The following APOOL variants were observed in gnomAD, a reference collection of about 807,000 sequenced individuals.
APOOL encodes the protein MICOS complex subunit MIC27.
Under a neutral mutation model 23.1 loss-of-function variants are expected in APOOL, and 12 were observed. That is an observed-to-expected ratio of 0.52 (90% confidence interval 0.33 to 0.84). The LOEUF is 0.84. APOOL is among the 40% of genes least tolerant of loss of function. The probability of loss-of-function intolerance (pLI) is 0.02; values close to 1 mark genes in which losing one functional copy is unlikely to be tolerated. For synonymous variants in APOOL, 77 were observed against 69.9 expected (o/e 1.10, Z -0.51); for missense variants, 212 against 199.6 (o/e 1.06, Z -0.37).
At chrX:85,044,260 G>C (rs954009618) in intron 1 of APOOL, among the ~76,000 whole-genome samples, 26 of 107,257 alleles carry the variant, frequency 2.4e-4, no homozygotes, top group African/African-American at 8.0e-4. Flanking sequence ...ATTTATGTGT[G>C]TGTGTGTGTG....
rs57105866 is a variant in APOOL at position 85,008,535 on chromosome X, TTGTGTGTG to T, written c.15+4640_15+4647del. ...TTTTTTATGGTTGAATGATAACCCGTTGTGTGTGTGTGTGTGTGTGTGTGTGTGTGTGT... is the reference window on the plus strand; with the variant it reads ...TTTTTTATGGTTGAATGATAACCCGTTGTGTGTGTGTGTGTGTGTGTGTGT... On this transcript the variant is annotated intron_variant, in intron 1 of 8. Coordinates refer to ENST00000373173, the MANE Select transcript of APOOL (RefSeq NM_198450.6). Among the ~76,000 whole-genome samples the T allele has an allele frequency of 1.2e-4, 10 of 86,136 alleles. 1 individual carries two copies. Among genetic ancestry groups the T allele is most frequent in the East Asian group, 3.8e-4 (1 of 2,647 alleles). The allele number at this position is 86,136 out of a possible 115,157, so 74.8% of individuals were successfully genotyped here. A position where few individuals can be genotyped will look rare whatever the true frequency, so the allele number is the denominator to read the frequency against.
At chrX:85,063,433 T>C (rs1446588139) in intron 5 of APOOL, among the ~76,000 whole-genome samples, 1 of 111,662 alleles carries the variant, frequency 9.0e-6, no homozygotes, top group Non-Finnish European at 1.9e-5. Flanking sequence ...GGCATCCTTG[T>C]CTTGTGCCAG....
At chrX:85,043,603 A>G (rs938666803) in intron 1 of APOOL, among the ~76,000 whole-genome samples, 2 of 111,694 alleles carry the variant, frequency 1.8e-5, no homozygotes, top group Non-Finnish European at 3.8e-5. Context: ...GAAATTTTCA[A>G]TGTGCTGTAC....
chrX:85,038,524 GTTTTTTTT>G (rs56248244), intron 1 of APOOL, among the ~76,000 whole-genome samples: 8 of 43,445 alleles, frequency 1.8e-4, no homozygotes, highest in African/African-American at 8.6e-4. Flanking sequence ...TCTGGTACAA[GTTTTTTTT>G]TTTTTTTTTT....
intron 1 of APOOL, among the ~76,000 whole-genome samples, chrX:85,026,888 T>C (rs1921864312): frequency 8.9e-6 from 1 of 111,927 alleles, no homozygotes; most frequent in Admixed American, 9.6e-5. Flanking sequence ...TCCTATTTTC[T>C]GAGCCCTCCA....
At chrX:85,035,670 C>T (rs1463415528) in intron 1 of APOOL, among the ~76,000 whole-genome samples, 1 of 111,350 alleles carries the variant, frequency 9.0e-6, no homozygotes, top group Non-Finnish European at 1.9e-5. Flanking sequence ...CTGCATAGGG[C>T]CCACCAGTTA....
chrX:85,064,252 A>G (rs1039925490), intron 5 of APOOL, among the ~76,000 whole-genome samples: 2 of 107,081 alleles, frequency 1.9e-5, no homozygotes, highest in Non-Finnish European at 3.9e-5. Context: ...GTTTATTTGA[A>G]TCTTCTCTCT....
intron 1 of APOOL, among the ~76,000 whole-genome samples, chrX:85,040,000 T>C (rs1307572051): frequency 8.9e-6 from 1 of 111,910 alleles, no homozygotes; most frequent in Non-Finnish European, 1.9e-5. Flanking sequence ...GTATCAGTAG[T>C]CTATGTACTT....
chrX:85,054,488 TATC>T (rs1323503958), intron 4 of APOOL, 90 bp downstream of exon 4: 2 of 772,003 alleles, frequency 2.6e-6, no homozygotes, highest in Non-Finnish European at 3.7e-6. Flanking sequence ...TGTTACCCAT[TATC>T]ATGCATTTAC....
chrX:85,017,054 A>G (rs1425666078), intron 1 of APOOL, among the ~76,000 whole-genome samples: 1 of 112,193 alleles, frequency 8.9e-6, no homozygotes, highest in East Asian at 2.8e-4. Flanking sequence ...GGGCAGGGCC[A>G]TAAAGCTCCC....
chrX:85,015,131 A>G (rs1321759691), intron 1 of APOOL, among the ~76,000 whole-genome samples: 1 of 110,895 alleles, frequency 9.0e-6, no homozygotes, highest in African/African-American at 3.3e-5. Flanking sequence ...TTTCCACTGC[A>G]TTTTATATTT....
At chrX:85,050,266 T>A (rs990747586) in intron 2 of APOOL, among the ~76,000 whole-genome samples, 47 of 111,558 alleles carry the variant, frequency 4.2e-4, no homozygotes, top group Admixed American at 1.8e-3. Context: ...TAACTTTAGA[T>A]AAAAAAACTG....
Position 85,054,326 on chromosome X carries a change from C to T in APOOL, c.241-18C>T. On this transcript the variant is annotated intron_variant, in intron 3 of 8. Transcript: ENST00000373173. ...CTTCAAAAATGCAGATGTCTTCCCCCCCTTTTTTTTTGCTTAGGGTGTTTA... is the reference window on the plus strand; with the variant it reads ...CTTCAAAAATGCAGATGTCTTCCCCTCCTTTTTTTTTGCTTAGGGTGTTTA... 2 of 1,174,285 alleles carry T rather than the reference C, an allele frequency of 1.7e-6. No homozygotes were observed. Among genetic ancestry groups the T allele is most frequent in the Non-Finnish European group, 2.3e-6 (2 of 876,463 alleles).
chrX:85,008,301 C>A (rs1009008562), intron 1 of APOOL, among the ~76,000 whole-genome samples: 2 of 110,949 alleles, frequency 1.8e-5, no homozygotes, highest in African/African-American at 6.6e-5. Flanking sequence ...AAGTTTGTGC[C>A]CTTTGGCCAA....
intron 8 of APOOL, among the ~76,000 whole-genome samples, chrX:85,086,866 A>T (rs899702755): frequency 1.1e-5 from 1 of 93,829 alleles, no homozygotes; most frequent in South Asian, 5.8e-4. Context: ...CGCCCGGCTA[A>T]TTTTTTGTAT....
At chrX:85,073,627 C>G (rs1430132453) in intron 6 of APOOL, among the ~76,000 whole-genome samples, 1 of 110,764 alleles carries the variant, frequency 9.0e-6, no homozygotes, top group Non-Finnish European at 1.9e-5. Flanking sequence ...AAACTATATT[C>G]CCCAAACTCC....
Position 85,046,505 on chromosome X carries a change from A to G in APOOL, c.75A>G (p.Ala25=), listed in dbSNP as rs767635645. ...TATATGCATCTGTAAGTGTACATGCAGCCAAACAAGAGGAATCCAAAAAGC... is the reference window on the plus strand; with the variant it reads ...TATATGCATCTGTAAGTGTACATGCGGCCAAACAAGAGGAATCCAAAAAGC... ...GLIYASVSVH[A]AKQEESKKQL... is the part of the protein sequence containing the mutation. The change falls in exon 2 of 9, where the codon GCA becomes GCG. Residue 25 remains alanine, a synonymous_variant. Transcript: ENST00000373173. The G allele has an allele frequency of 3.3e-6, 4 of 1,210,000 alleles. No homozygotes were observed. In the Admixed American group the frequency reaches 8.7e-5, roughly 26 times the overall value.
chrX:85,073,456 A>AT (rs1174297779), intron 6 of APOOL, among the ~76,000 whole-genome samples: 2 of 111,320 alleles, frequency 1.8e-5, no homozygotes, highest in African/African-American at 6.5e-5. Flanking sequence ...GTCATTGTTT[A>AT]TTTTACCTTT....
At chrX:85,034,129 A>C (rs1422964039) in intron 1 of APOOL, among the ~76,000 whole-genome samples, 1 of 110,895 alleles carries the variant, frequency 9.0e-6, no homozygotes, top group African/African-American at 3.3e-5. Context: ...CTCCTCTAGA[A>C]GCTGAAAAGT....
Sources: gnomAD v4.1 joint callset for allele counts (sites outside exome capture counted in the v4.1 genomes callset) on GRCh38, gnomAD v4.1.1 for gene constraint, MANE v1.5 for transcripts, NCBI Gene and HGNC (gene_info 2026-07-23, HGNC 2026-07-21) for gene names.